The following MACROD2 variants were observed in gnomAD, a reference collection of about 807,000 sequenced individuals.
MACROD2 encodes the protein ADP-ribose glycohydrolase MACROD2.
In MACROD2, 36 loss-of-function variants were observed where a neutral mutation model predicts 70.4. That is an observed-to-expected ratio of 0.51 (90% CI 0.39 to 0.68). The LOEUF (loss-of-function observed/expected upper bound fraction) is 0.68, where lower values mean the gene tolerates loss of function less well. Among genes scored for constraint, MACROD2 ranks in the 30% least tolerant of loss-of-function variants. MACROD2 has a pLI of 0.00. For missense variants in MACROD2, 496 were observed against 538.4 expected, an observed-to-expected ratio of 0.92 and a Z score of 0.78; for synonymous variants, 172 against 178.8, an observed-to-expected ratio of 0.96 and a Z score of 0.30.
chr20:14,232,667 A>G (rs948281352), intron 3 of MACROD2, among the ~76,000 whole-genome samples: 2 of 152,236 alleles, frequency 1.3e-5, no homozygotes, highest in African/African-American at 4.8e-5. Flanking sequence ...GCTTTGGTTT[A>G]AGGGAATATT....
At chr20:15,845,627 C>CT (rs567622502) in intron 8 of MACROD2, among the ~76,000 whole-genome samples, 37 of 152,122 alleles carry the variant, frequency 2.4e-4, no homozygotes, top group African/African-American at 8.7e-4. Flanking sequence ...AAAATTTTAT[C>CT]TTGGCCTTCA....
At chr20:15,093,528 A>G (rs1391455823) in intron 5 of MACROD2, among the ~76,000 whole-genome samples, 6 of 152,142 alleles carry the variant, frequency 3.9e-5, no homozygotes, top group African/African-American at 1.4e-4. Flanking sequence ...CCGTTGTGAA[A>G]AGGCCTCAGT....
intron 8 of MACROD2, among the ~76,000 whole-genome samples, chr20:15,641,974 T>C (rs1313683044): frequency 6.6e-6 from 1 of 152,218 alleles, no homozygotes; most frequent in Non-Finnish European, 1.5e-5. Context: ...CTTCTTCTTT[T>C]CCAAGTGGCC....
chr20:15,480,552 C>T (rs745619093), intron 7 of MACROD2, among the ~76,000 whole-genome samples: 7 of 152,080 alleles, frequency 4.6e-5, no homozygotes, highest in Middle Eastern at 6.8e-3. Context: ...CCCTTCTCCA[C>T]TGCCTTCTCT....
intron 8 of MACROD2, among the ~76,000 whole-genome samples, chr20:15,682,010 TG>T (rs2050166731): frequency 6.6e-6 from 1 of 152,192 alleles, no homozygotes; most frequent in Admixed American, 6.5e-5. Context: ...TCAGAGTCTT[TG>T]CAGAATTGCA....
chr20:14,170,248 A>C (rs1211169238), intron 3 of MACROD2, among the ~76,000 whole-genome samples: 1 of 152,046 alleles, frequency 6.6e-6, no homozygotes, highest in Non-Finnish European at 1.5e-5. Context: ...TTTTTGGAGG[A>C]GTCTTTAGGG....
intron 6 of MACROD2, among the ~76,000 whole-genome samples, chr20:15,289,240 A>G (rs770767556): frequency 5.9e-5 from 9 of 152,186 alleles, no homozygotes; most frequent in African/African-American, 1.2e-4. Flanking sequence ...ATTTTTTTCT[A>G]ACTAACTTTT....
chr20:14,696,093 C>A (rs1044803817), intron 5 of MACROD2, among the ~76,000 whole-genome samples: 4 of 152,086 alleles, frequency 2.6e-5, no homozygotes, highest in Non-Finnish European at 5.9e-5. Context: ...TTACATTATA[C>A]AACCAAAGCC....
At chr20:15,532,893 G>T (rs543983891) in intron 8 of MACROD2, among the ~76,000 whole-genome samples, 126 of 152,196 alleles carry the variant, frequency 8.3e-4, no homozygotes, top group African/African-American at 3.0e-3. Flanking sequence ...GATATCTGAG[G>T]TCATTTCCAG....
At chr20:14,299,393 T>C (rs576444322) in intron 3 of MACROD2, among the ~76,000 whole-genome samples, 11 of 152,348 alleles carry the variant, frequency 7.2e-5, no homozygotes, top group South Asian at 4.1e-4. Context: ...AACTTTTATA[T>C]GTACTGGGAA....
chr20:15,858,381 C>T (rs1020126787), intron 8 of MACROD2, among the ~76,000 whole-genome samples: 2 of 152,098 alleles, frequency 1.3e-5, no homozygotes, highest in Non-Finnish European at 2.9e-5. Flanking sequence ...GCATATGGGC[C>T]CTTTTTCCTT....
intron 8 of MACROD2, among the ~76,000 whole-genome samples, chr20:15,676,385 C>G (rs1373140521): frequency 6.6e-6 from 1 of 152,204 alleles, no homozygotes; most frequent in Non-Finnish European, 1.5e-5. Context: ...GTGTTTCTAG[C>G]AAGCTAGATT....
intron 8 of MACROD2, among the ~76,000 whole-genome samples, chr20:15,566,469 A>G (rs996101844): frequency 2.0e-5 from 3 of 152,004 alleles, no homozygotes; most frequent in Non-Finnish European, 2.9e-5. Flanking sequence ...CTGCACTCCA[A>G]CCTGGGCAAC....
At chr20:15,081,840 A>G (rs2075706005) in intron 5 of MACROD2, among the ~76,000 whole-genome samples, 1 of 152,220 alleles carries the variant, frequency 6.6e-6, no homozygotes, top group Non-Finnish European at 1.5e-5. Flanking sequence ...CTAGAATGTA[A>G]TACTTGGTAC....
At chr20:15,510,876 G>A (rs747597259) in intron 8 of MACROD2, among the ~76,000 whole-genome samples, 7 of 152,174 alleles carry the variant, frequency 4.6e-5, no homozygotes, top group Non-Finnish European at 5.9e-5. Context: ...GAACCCCTTC[G>A]AAGTCCATGA....
chr20:14,644,187 G>A (rs1357826365), intron 4 of MACROD2, among the ~76,000 whole-genome samples: 1 of 152,032 alleles, frequency 6.6e-6, no homozygotes, highest in Non-Finnish European at 1.5e-5. Flanking sequence ...TATATTCTTT[G>A]CGTCTAGAAA....
At chr20:15,755,056 G>A (rs984043133) in intron 8 of MACROD2, among the ~76,000 whole-genome samples, 4 of 151,946 alleles carry the variant, frequency 2.6e-5, no homozygotes, top group Admixed American at 1.3e-4. Context: ...ATGAGGTTTC[G>A]CCATGTTGGC....
intron 5 of MACROD2, among the ~76,000 whole-genome samples, chr20:14,964,079 A>AT (rs1001695761): frequency 2.9e-4 from 44 of 151,578 alleles, no homozygotes; most frequent in Non-Finnish European, 5.2e-4. Context: ...GTATAAGGTG[A>AT]TTTTTTTTCT....
intron 3 of MACROD2, among the ~76,000 whole-genome samples, chr20:14,418,514 A>C (rs1368761264): frequency 6.6e-6 from 1 of 152,192 alleles, no homozygotes; most frequent in Non-Finnish European, 1.5e-5. Flanking sequence ...AGTTGAAGGG[A>C]TCCGTGGAGA....
Sources: allele counts gnomAD v4.1 joint callset (sites outside exome capture counted in the v4.1 genomes callset), GRCh38; gene constraint gnomAD v4.1.1; transcripts MANE v1.5; gene names NCBI Gene and HGNC (gene_info 2026-07-23, HGNC 2026-07-21).